The following CLHC1 variants were observed in gnomAD, a reference collection of about 807,000 sequenced individuals.
CLHC1 encodes clathrin heavy chain linker domain containing 1.
A neutral mutation model predicts 69.5 loss-of-function variants in CLHC1; 72 were observed. That is an observed-to-expected ratio of 1.04 (90% CI 0.86 to 1.26). CLHC1 has a LOEUF of 1.26. Among genes scored for constraint, CLHC1 ranks in the 50% most tolerant of loss-of-function variants. The pLI is 0.00. For missense variants in CLHC1, 790 were observed against 679.3 expected (o/e 1.16, Z -1.81); for synonymous variants, 223 against 224.3 (o/e 0.99, Z 0.05).
chr2:55,184,067 C>G (rs1386305418), intron 9 of CLHC1, among the ~76,000 whole-genome samples: 2 of 151,844 alleles, frequency 1.3e-5, no homozygotes, highest in East Asian at 3.9e-4. Flanking sequence ...GCGTGAGCTA[C>G]CATGCTCGGC....
intron 9 of CLHC1, among the ~76,000 whole-genome samples, chr2:55,197,384 T>C (rs1671526821): frequency 6.6e-6 from 1 of 152,194 alleles, no homozygotes; most frequent in East Asian, 1.9e-4. Flanking sequence ...ACAGTGGGCC[T>C]TGGACAAGAC....
intron 9 of CLHC1, among the ~76,000 whole-genome samples, chr2:55,200,918 C>T (rs1014416809): frequency 1.3e-5 from 2 of 152,008 alleles, no homozygotes; most frequent in African/African-American, 4.8e-5. Context: ...ACAATACGCT[C>T]CTGACTGACC....
rs565771270 is a variant in CLHC1 at position 55,172,797 on chromosome 2, C to T, written c.*2993G>A. Among the ~76,000 whole-genome samples, 2 of 151,534 alleles carry T rather than the reference C, an allele frequency of 1.3e-5. No individual in the cohort carries two copies. The highest frequency in any genetic ancestry group is 2.1e-4 in the South Asian group (1 of 4,800). On this transcript the variant is annotated 3_prime_UTR_variant, in exon 13 of 13. Transcript: ENST00000401408. ...AGGCACCTAAAAAGTAACAGGTTTTCACCTTTTAAAGTTAAAAAAGTGATT... is the reference window on the plus strand; with the variant it reads ...AGGCACCTAAAAAGTAACAGGTTTTTACCTTTTAAAGTTAAAAAAGTGATT...
Position 55,209,378 on chromosome 2 carries a change from C to A in CLHC1, c.814+26G>T, listed in dbSNP as rs747453163. On this transcript the variant is annotated intron_variant, in intron 7 of 12. Transcript: ENST00000401408. ...AAAAAAATGTCTTCCATTATTGGTA[C>A]TAATTTAAAAATATAGATAATCTAC... 2.1e-6 allele frequency: 3 copies of A among 1,405,866 alleles called. No individual in the cohort carries two copies. In the Admixed American group the frequency reaches 6.1e-5, roughly 29 times the overall value. The allele number at this position is 1,405,866 out of a possible 1,614,324, so 87.1% of individuals were successfully genotyped here.
At chr2:55,185,031 G>A (rs1039948748) in intron 9 of CLHC1, among the ~76,000 whole-genome samples, 14 of 149,698 alleles carry the variant, frequency 9.4e-5, no homozygotes, top group East Asian at 7.9e-4. Context: ...AGGTAAAGAC[G>A]GTAGACTGAA....
At chr2:55,195,381 A>G (rs971809068) in intron 9 of CLHC1, among the ~76,000 whole-genome samples, 1 of 152,236 alleles carries the variant, frequency 6.6e-6, no homozygotes, top group African/African-American at 2.4e-5. Flanking sequence ...GAAGACACAA[A>G]TAAATGGAGA....
At chr2:55,190,061 T>C (rs979607981) in intron 9 of CLHC1, among the ~76,000 whole-genome samples, 2 of 152,142 alleles carry the variant, frequency 1.3e-5, no homozygotes, top group African/African-American at 4.8e-5. Context: ...CTTTTTTTTT[T>C]TGAGACGGAG....
rs1363898273 is a variant in CLHC1 at position 55,175,743 on chromosome 2, A to G, written c.*47T>C. On this transcript the variant is annotated 3_prime_UTR_variant, in exon 13 of 13. Coordinates refer to ENST00000401408, the MANE Select transcript of CLHC1 (RefSeq NM_152385.4). The stretch of plus-strand genomic sequence containing the variant: ...TTAAAATCAGTTTTTCCCAACCAGC[A>G]TACATAAGGTGTTGTACAAGCTCCC... The G allele has an allele frequency of 1.3e-5, 18 of 1,364,282 alleles. No individual in the cohort carries two copies. The highest frequency in any genetic ancestry group is 1.7e-5 in the Non-Finnish European group (17 of 977,596). 84.5% of individuals were successfully genotyped at this position (1,364,282 alleles called of 1,614,324 possible).
chr2:55,206,160 T>C, intron 9 of CLHC1, 110 bp downstream of exon 9: 1 of 639,118 alleles, frequency 1.6e-6, no homozygotes, highest in East Asian at 2.7e-5. Flanking sequence ...ATGGTAGAGA[T>C]AGGGCTGGGG....
At chr2:55,220,739 G>A (rs1439850303) in intron 3 of CLHC1, among the ~76,000 whole-genome samples, 1 of 152,156 alleles carries the variant, frequency 6.6e-6, no homozygotes. Flanking sequence ...ACATGTTACA[G>A]TTATGACTTT....
chr2:55,182,551 T>A (rs1670030024), intron 9 of CLHC1, among the ~76,000 whole-genome samples: 1 of 152,208 alleles, frequency 6.6e-6, no homozygotes, highest in African/African-American at 2.4e-5. Flanking sequence ...CATATCTTAT[T>A]TCCTAGATTT....
At position 55,202,668 on chromosome 2, in the gene CLHC1, G is replaced by A. The variant is rs1222073410; in HGVS notation, c.1006+3602C>T. Among the ~76,000 whole-genome samples, 11 of 152,110 alleles carry A rather than the reference G, an allele frequency of 7.2e-5. No homozygotes were observed. In the South Asian group the frequency reaches 1.0e-3, roughly 14 times the overall value. On this transcript the variant is annotated intron_variant, in intron 9 of 12. Coordinates refer to ENST00000401408, the MANE Select transcript of CLHC1 (RefSeq NM_152385.4). ...TCCCAACACTTTGGGAGGTCAAGGC[G>A]GGCTGATCACTTGAGGTCAGGAGTT... is the stretch of plus-strand genomic sequence containing the variant.
Position 55,191,799 on chromosome 2 carries a change from C to T in CLHC1, c.1007-10055G>A, listed in dbSNP as rs7588591. On this transcript the variant is annotated intron_variant, in intron 9 of 12. Transcript: ENST00000401408. ...GCCAGAAAAAGTAGAAAAAAGGTTT[C>T]AAAAAAAAAGAAGAGATAAGAGAAA... Among the ~76,000 whole-genome samples the T allele has an allele frequency of 1.2e-4, 18 of 151,476 alleles. No individual in the cohort carries two copies. The East Asian group carries it at 2.1e-3, about 18-fold the overall frequency.
intron 9 of CLHC1, among the ~76,000 whole-genome samples, 179 bp from the exon 10 acceptor site, chr2:55,181,923 C>A (rs564365300): frequency 5.3e-5 from 8 of 152,056 alleles, no homozygotes; most frequent in African/African-American, 1.4e-4. Flanking sequence ...CTAAATATCA[C>A]GTGCCATGTG....
chr2:55,189,460 T>G (rs1276524063), intron 9 of CLHC1, among the ~76,000 whole-genome samples: 1 of 152,212 alleles, frequency 6.6e-6, no homozygotes, highest in African/African-American at 2.4e-5. Context: ...CATAAGGCAG[T>G]GAAGGATAGT....
chr2:55,223,629 G>A (rs1207062614), intron 2 of CLHC1, among the ~76,000 whole-genome samples: 1 of 151,748 alleles, frequency 6.6e-6, no homozygotes, highest in Non-Finnish European at 1.5e-5. Flanking sequence ...ACGGCTCTGG[G>A]GCGAGGGAGG....
In CLHC1 at chr2:55,210,326, G is replaced by C. The variant is rs140708293; in HGVS notation, c.500-495C>G. ...ATTCTCCTGCCTCAACTTCTGAGTAGCTGGGACTATAGGCGCCTGCCACCA... is the reference window on the plus strand; with the variant it reads ...ATTCTCCTGCCTCAACTTCTGAGTACCTGGGACTATAGGCGCCTGCCACCA... On this transcript the variant is annotated intron_variant, in intron 5 of 12. Coordinates refer to ENST00000401408, the MANE Select transcript of CLHC1 (RefSeq NM_152385.4). Among the ~76,000 whole-genome samples, 402 of 152,070 alleles carry C rather than the reference G, an allele frequency of 2.6e-3. 2 individuals carry two copies. The highest frequency in any genetic ancestry group is 9.1e-3 in the African/African-American group (377 of 41,484).
chr2:55,199,296 CAAAAAAAAAAA>C (rs57570449), intron 9 of CLHC1, among the ~76,000 whole-genome samples: 2 of 70,934 alleles, frequency 2.8e-5, no homozygotes, highest in East Asian at 3.6e-4. Flanking sequence ...GACTCCATCT[CAAAAAAAAAAA>C]AAAAAAAAAA....
intron 2 of CLHC1, among the ~76,000 whole-genome samples, chr2:55,227,196 A>G (rs1337384324): frequency 6.6e-6 from 1 of 152,224 alleles, no homozygotes; most frequent in African/African-American, 2.4e-5. Flanking sequence ...ATAACTCATT[A>G]ATTAATCAAG....
Sources: allele counts gnomAD v4.1 joint callset (sites outside exome capture counted in the v4.1 genomes callset), GRCh38; gene constraint gnomAD v4.1.1; transcripts MANE v1.5; gene names NCBI Gene and HGNC (gene_info 2026-07-23, HGNC 2026-07-21).